The following ADGRV1 variants were observed in gnomAD, a reference collection of about 807,000 sequenced individuals.
ADGRV1 encodes G-protein coupled receptor 98.
Under a neutral mutation model 596.2 loss-of-function variants are expected in ADGRV1, and 359 were observed. The ratio of observed to expected loss-of-function variants is 0.60; its 90% CI spans 0.55 to 0.66. The LOEUF (loss-of-function observed/expected upper bound fraction) is 0.66. ADGRV1 is among the 30% of genes least tolerant of loss of function. The probability of loss-of-function intolerance (pLI) is 0.00; values close to 1 mark genes in which losing one functional copy is unlikely to be tolerated. For missense variants in ADGRV1, 7,274 were observed against 7,575.6 expected (o/e 0.96, Z 1.48); for synonymous variants, 2,681 against 2,679.2 (o/e 1.00, Z -0.02).
intron 85 of ADGRV1, among the ~76,000 whole-genome samples, chr5:91,030,309 G>A (rs1365427769): frequency 1.3e-5 from 2 of 152,054 alleles, no homozygotes; most frequent in African/African-American, 4.8e-5. Context: ...TATATTCTAA[G>A]TAAAGCAGGT....
chr5:90,618,623 ACT>A (rs1389052561), intron 3 of ADGRV1, among the ~76,000 whole-genome samples: 1 of 151,486 alleles, frequency 6.6e-6, no homozygotes, highest in Non-Finnish European at 1.5e-5. Context: ...GTTACAGAAA[ACT>A]CTCCATTTTA....
At chr5:91,070,212 A>G (rs1303706335) in intron 85 of ADGRV1, among the ~76,000 whole-genome samples, 1 of 152,188 alleles carries the variant, frequency 6.6e-6, no homozygotes, top group Admixed American at 6.5e-5. Context: ...ATCATGCAAT[A>G]TACTCATGTA....
At chr5:90,581,316 C>A (rs1758019795) in intron 1 of ADGRV1, among the ~76,000 whole-genome samples, 1 of 152,192 alleles carries the variant, frequency 6.6e-6, no homozygotes, top group South Asian at 2.1e-4. Context: ...GAGCTGTGAT[C>A]CTTTGGAGGA....
At chr5:90,780,958 A>G (rs1238627767) in intron 64 of ADGRV1, 1 of 162,580 alleles carries the variant, frequency 6.2e-6, no homozygotes, top group African/African-American at 2.4e-5. Flanking sequence ...AATCTTGATG[A>G]TTTAGTTTGA....
chr5:90,639,466 T>A (rs1321824387), intron 11 of ADGRV1, among the ~76,000 whole-genome samples: 1 of 152,222 alleles, frequency 6.6e-6, no homozygotes, highest in Non-Finnish European at 1.5e-5. Context: ...TATTCATTTT[T>A]AAATCTTATG....
At chr5:91,035,865 A>ATATATATATATATATATATAT (rs1784856194) in intron 85 of ADGRV1, among the ~76,000 whole-genome samples, 3 of 98,932 alleles carry the variant, frequency 3.0e-5, no homozygotes, top group Non-Finnish European at 6.4e-5. Flanking sequence ...TATATATTAT[A>ATATATATATATATATATATAT]TATATATATA....
At chr5:90,668,382 G>C (rs183462333) in intron 21 of ADGRV1, among the ~76,000 whole-genome samples, 1,878 of 152,070 alleles carry the variant, frequency 0.012, 31 homozygotes, top group African/African-American at 0.043. Context: ...TCCAGGTGCC[G>C]TCCGTCACCC....
At chr5:90,972,272 T>C (rs908377431) in intron 84 of ADGRV1, among the ~76,000 whole-genome samples, 130 of 152,278 alleles carry the variant, frequency 8.5e-4, no homozygotes, top group African/African-American at 3.1e-3. Flanking sequence ...AACACCCCAC[T>C]GTCAACATTA....
At chr5:90,925,022 T>C (rs1275425488) in intron 83 of ADGRV1, among the ~76,000 whole-genome samples, 2 of 151,566 alleles carry the variant, frequency 1.3e-5, no homozygotes, top group East Asian at 3.9e-4. Context: ...CCATGCTGTT[T>C]TGGTTACTGT....
intron 21 of ADGRV1, among the ~76,000 whole-genome samples, chr5:90,669,195 A>G (rs1197927825): frequency 6.6e-6 from 1 of 152,202 alleles, no homozygotes; most frequent in African/African-American, 2.4e-5. Context: ...ACATTTGCTC[A>G]TGTACCATTC....
In ADGRV1 at chr5:91,120,852, A is replaced by T. The variant is rs568563795; in HGVS notation, c.18432+18512A>T. Among the ~76,000 whole-genome samples, 167 of 152,272 alleles carry T rather than the reference A, an allele frequency of 1.1e-3. 1 individual carries two copies. The highest frequency in any genetic ancestry group is 3.4e-3 in the African/African-American group (140 of 41,552). ...GTATAGCTGTACAGAAGGGAATGAG[A>T]TGCTGTGGGAGACAGAAGAGATATG... On this transcript the variant is annotated intron_variant, in intron 87 of 89. Transcript: ENST00000405460.
In ADGRV1 at chr5:90,653,549, G is replaced by A. The variant is rs764054625; in HGVS notation, c.3975G>A (p.Thr1325=). The change falls in exon 20 of 90, where the codon ACG becomes ACA. Residue 1325 remains threonine, a synonymous_variant. Transcript: ENST00000405460. ...ACATGCGGCGTCACCACAGTGGAAC[G>A]GATGCTTTGTACTTTACCGGACTAG... ...QQHMRRHHSG[T]DALYFTGLEG... The A allele has an allele frequency of 2.2e-5, 36 of 1,613,696 alleles. No homozygotes were observed. The highest frequency in any genetic ancestry group is 4.0e-5 in the African/African-American group (3 of 74,900).
chr5:90,776,962 G>T (rs895116011), intron 61 of ADGRV1, among the ~76,000 whole-genome samples: 4 of 152,082 alleles, frequency 2.6e-5, no homozygotes, highest in Non-Finnish European at 4.4e-5. Flanking sequence ...CATCATCAGG[G>T]CCAAACATTT....
At chr5:90,998,133 C>CA (rs1781564694) in intron 85 of ADGRV1, among the ~76,000 whole-genome samples, 1 of 152,124 alleles carries the variant, frequency 6.6e-6, no homozygotes, top group Non-Finnish European at 1.5e-5. Flanking sequence ...ATAAAGATTG[C>CA]AAGCACTAAA....
intron 77 of ADGRV1, among the ~76,000 whole-genome samples, chr5:90,833,214 T>G (rs1014780705): frequency 6.6e-6 from 1 of 151,756 alleles, no homozygotes; most frequent in Non-Finnish European, 1.5e-5. Context: ...ATACTGATTC[T>G]TCCAATCCAT....
chr5:91,116,584 G>T lies in ADGRV1; in HGVS notation c.18432+14244G>T, dbSNP rs116469900. Among the ~76,000 whole-genome samples, 706 of 152,190 alleles carry T rather than the reference G, an allele frequency of 4.6e-3. 5 individuals are homozygous for T. Among genetic ancestry groups the T allele is most frequent in the African/African-American group, 0.016 (676 of 41,510 alleles). ...TCCCTTCAGTTAGTCTGATTATTCG[G>T]TCTCTTCAGAAGCCCAATGATGTCA... On this transcript the variant is annotated intron_variant, in intron 87 of 89. Transcript: ENST00000405460.
intron 85 of ADGRV1, 143 bp downstream of exon 85, chr5:90,985,665 T>C (rs1780431047): frequency 5.2e-6 from 3 of 575,480 alleles, no homozygotes; most frequent in Non-Finnish European, 9.0e-6. Context: ...CTCTAATTAC[T>C]CTTTTAAATA....
chr5:90,760,110 TA>T (rs1208123059), intron 58 of ADGRV1: 242 of 148,940 alleles, frequency 1.6e-3, no homozygotes, highest in African/African-American at 5.5e-3. Context: ...CCGTCTCTAC[TA>T]AAAAAAATAC....
chr5:90,928,014 T>C (rs906154130), intron 83 of ADGRV1, among the ~76,000 whole-genome samples: 4 of 152,208 alleles, frequency 2.6e-5, no homozygotes, highest in Admixed American at 6.5e-5. Context: ...GTTAGTCTGA[T>C]GGGCTTCCCT....
Sources: allele counts gnomAD v4.1 joint callset (sites outside exome capture counted in the v4.1 genomes callset), GRCh38; gene constraint gnomAD v4.1.1; transcripts MANE v1.5; gene names NCBI Gene and HGNC (gene_info 2026-07-23, HGNC 2026-07-21).